NRP1: variants seen among roughly 807,000 people sequenced by gnomAD.
The protein encoded by NRP1 is neuropilin-1.
A neutral mutation model predicts 106.7 loss-of-function variants in NRP1; 35 were observed. That is an observed-to-expected ratio of 0.33 (90% confidence interval 0.25 to 0.43). NRP1 has a LOEUF of 0.43. NRP1 is among the 20% of genes least tolerant of loss of function. The pLI is 1.00. For synonymous variants in NRP1, 437 were observed against 417.9 expected (o/e 1.05, Z -0.56); for missense variants, 1,024 against 1,170.4 (o/e 0.87, Z 1.83).
rs554438933 is a variant in NRP1 at position 33,317,667 on chromosome 10, A to G, written c.248+13041T>C. 5.9e-5 allele frequency among the ~76,000 whole-genome samples: 9 copies of G among 152,280 alleles called. No homozygotes were observed. In the South Asian group the frequency reaches 1.9e-3, roughly 32 times the overall value. On this transcript the variant is annotated intron_variant, in intron 2 of 16. Transcript: ENST00000374867. Reference sequence around the variant, plus strand: ...CTTATGGTCTGAATGCACTAAACATATTTACAATTCCTCAAGCACACATGA... The same window carrying G: ...CTTATGGTCTGAATGCACTAAACATGTTTACAATTCCTCAAGCACACATGA...
At chr10:33,289,463 C>T (rs986565746) in intron 2 of NRP1, among the ~76,000 whole-genome samples, 1 of 152,126 alleles carries the variant, frequency 6.6e-6, no homozygotes, top group African/African-American at 2.4e-5. Context: ...CTAATGAGGT[C>T]CACGTCATCA....
chr10:33,299,826 T>G (rs1357960346), intron 2 of NRP1, among the ~76,000 whole-genome samples: 6 of 152,182 alleles, frequency 3.9e-5, no homozygotes, highest in Non-Finnish European at 8.8e-5. Context: ...TTGATTCTGA[T>G]GACGATGCTT....
At position 33,185,601 on chromosome 10, in the gene NRP1, T is replaced by C. The variant is rs769505162; in HGVS notation, c.2431+27A>G. On this transcript the variant is annotated intron_variant, in intron 15 of 16. Transcript: ENST00000374867. The stretch of plus-strand genomic sequence containing the variant: ...AGTCTTGCCCTGGGCAAGCACTCCA[T>C]TGGTTTCTACAGCAGCTCATACTTA... 4 of 1,534,166 alleles carry C rather than the reference T, an allele frequency of 2.6e-6. No individual in the cohort carries two copies. In the South Asian group the frequency reaches 3.4e-5, roughly 13 times the overall value.
intron 4 of NRP1, among the ~76,000 whole-genome samples, chr10:33,258,361 TTTTCGA>T (rs1388227298): frequency 2.0e-5 from 3 of 152,184 alleles, no homozygotes; most frequent in Non-Finnish European, 4.4e-5. Flanking sequence ...ACCTGATAAT[TTTTCGA>T]TGTGTTGAAA....
intron 8 of NRP1, among the ~76,000 whole-genome samples, chr10:33,218,722 A>G (rs1564393569): frequency 1.3e-5 from 2 of 152,188 alleles, no homozygotes; most frequent in Non-Finnish European, 2.9e-5. Context: ...TGGCTTTGGA[A>G]GCCAAGTGAT....
chr10:33,257,953 G>T (rs1842312798), intron 4 of NRP1, among the ~76,000 whole-genome samples: 1 of 152,158 alleles, frequency 6.6e-6, no homozygotes, highest in Non-Finnish European at 1.5e-5. Flanking sequence ...AACTAAGAAT[G>T]ATTGCTTTGT....
chr10:33,269,047 T>C (rs1235793869), intron 3 of NRP1, among the ~76,000 whole-genome samples: 1 of 152,208 alleles, frequency 6.6e-6, no homozygotes, highest in Non-Finnish European at 1.5e-5. Context: ...CCGAAGGCTT[T>C]TGAAATTGAT....
chr10:33,245,036 G>A (rs1377244123), intron 6 of NRP1, among the ~76,000 whole-genome samples: 1 of 152,166 alleles, frequency 6.6e-6, no homozygotes, highest in African/African-American at 2.4e-5. Flanking sequence ...TAAATAAGCA[G>A]GAAGGTTTAT....
chr10:33,290,972 T>G lies in NRP1; in HGVS notation c.249-20116A>C, dbSNP rs1844952731. ...TTGATCTCTTTCTTCCAGCCCTGCG[T>G]GTTCTTTGCCACTGTAGGGGGCAGT... is the stretch of plus-strand genomic sequence containing the variant. On this transcript the variant is annotated intron_variant, in intron 2 of 16. Coordinates refer to ENST00000374867, the MANE Select transcript of NRP1 (RefSeq NM_003873.7). 2.0e-5 allele frequency among the ~76,000 whole-genome samples: 3 copies of G among 152,170 alleles called. No homozygotes were observed. In the South Asian group the frequency reaches 6.2e-4, roughly 32 times the overall value.
chr10:33,271,524 G>A (rs1311723913), intron 2 of NRP1, among the ~76,000 whole-genome samples: 4 of 152,084 alleles, frequency 2.6e-5, no homozygotes, highest in South Asian at 2.1e-4. Context: ...AAATAACTTT[G>A]TTTATACCCA....
chr10:33,216,020 G>A (rs1157664684), intron 8 of NRP1, among the ~76,000 whole-genome samples: 1 of 152,002 alleles, frequency 6.6e-6, no homozygotes, highest in African/African-American at 2.4e-5. Flanking sequence ...TTAAAATCCT[G>A]ACCTGTTTTC....
intron 6 of NRP1, among the ~76,000 whole-genome samples, chr10:33,251,383 G>A (rs1041306772): frequency 2.0e-5 from 3 of 151,824 alleles, no homozygotes; most frequent in African/African-American, 4.9e-5. Context: ...TCTTTATAGC[G>A]GTGTGAGAAC....
intron 6 of NRP1, among the ~76,000 whole-genome samples, chr10:33,238,983 G>GGA (rs757219855): frequency 1.3e-5 from 2 of 151,634 alleles, no homozygotes; most frequent in African/African-American, 4.8e-5. Flanking sequence ...TTCCTTTGAA[G>GGA]GAGAGAGAGA....
In NRP1 at chr10:33,186,474, T is replaced by C; in HGVS notation, c.2077A>G (p.Ile693Val). ...TGATTTTCGTCAGCTTGGGAATAGA[T>C]GAAGTTGCCATCTCCTGCTGTGACA... ...IQDHTGDGNFIYSQADENQKG... is the reference protein window; with the variant it reads ...IQDHTGDGNFVYSQADENQKG... Residue 693 changes from isoleucine to valine, a missense_variant, in exon 14 of 17, where the codon ATC (isoleucine) becomes GTC (valine). By Grantham distance (29) the Ile-to-Val change is conservative (BLOSUM62 3). This residue lies in a region of NRP1 where 562 missense variants were observed against 620.3 expected (regional missense o/e 0.91). Transcript: ENST00000374867. 6.2e-7 allele frequency: 1 copy of C among 1,611,582 alleles called. No individual in the cohort carries two copies. Among genetic ancestry groups the C allele is most frequent in the South Asian group, 1.1e-5 (1 of 90,834 alleles).
intron 2 of NRP1, among the ~76,000 whole-genome samples, chr10:33,289,090 A>G (rs555788769): frequency 6.6e-6 from 1 of 152,354 alleles, no homozygotes; most frequent in Non-Finnish European, 1.5e-5. Flanking sequence ...TTTTATATTC[A>G]TACTTTTAAC....
chr10:33,286,472 T>C (rs1564456145), intron 2 of NRP1, among the ~76,000 whole-genome samples: 1 of 151,900 alleles, frequency 6.6e-6, no homozygotes, highest in Non-Finnish European at 1.5e-5. Context: ...TAGAGTCTTG[T>C]GATGAGAATG....
At chr10:33,259,351 C>T (rs1842420436) in intron 4 of NRP1, among the ~76,000 whole-genome samples, 1 of 152,084 alleles carries the variant, frequency 6.6e-6, no homozygotes, top group Non-Finnish European at 1.5e-5. Context: ...GACTATAATA[C>T]AAAGAAGTAT....
intron 2 of NRP1, among the ~76,000 whole-genome samples, chr10:33,300,127 T>C (rs539289116): frequency 1.3e-3 from 192 of 152,346 alleles, no homozygotes; most frequent in African/African-American, 4.4e-3. Context: ...TTCTTTGCTA[T>C]CACGGGGACA....
intron 2 of NRP1, among the ~76,000 whole-genome samples, chr10:33,284,432 G>A (rs1258074617): frequency 6.6e-6 from 1 of 152,004 alleles, no homozygotes; most frequent in Non-Finnish European, 1.5e-5. Context: ...ATTATTTGGG[G>A]GCATATAAGT....
Sources: allele counts gnomAD v4.1 joint callset (sites outside exome capture counted in the v4.1 genomes callset), GRCh38; gene constraint gnomAD v4.1.1; regional missense constraint gnomAD v4.1.1; transcripts MANE v1.5; gene names NCBI Gene and HGNC (gene_info 2026-07-23, HGNC 2026-07-21).